LRRC8D: variants seen among roughly 807,000 people sequenced by gnomAD.
LRRC8D encodes the protein leucine rich repeat containing 8 VRAC subunit D.
A neutral mutation model predicts 55.8 loss-of-function variants in LRRC8D; 20 were observed. The observed-to-expected ratio is 0.36, with a 90% CI of 0.25 to 0.52. LRRC8D has a LOEUF of 0.52. LRRC8D is among the 20% of genes least tolerant of loss of function. The pLI, the probability that LRRC8D is intolerant of heterozygous loss-of-function variation, is 0.93. For missense variants in LRRC8D, 651 were observed against 1,030.8 expected, an observed-to-expected ratio of 0.63 and a Z score of 5.05; for synonymous variants, 352 against 377.0, an observed-to-expected ratio of 0.93 and a Z score of 0.77.
At chr1:89,839,305 T>TTG (rs762970926) in intron 1 of LRRC8D, among the ~76,000 whole-genome samples, 5 of 152,222 alleles carry the variant, frequency 3.3e-5, no homozygotes, top group Non-Finnish European at 7.4e-5. Context: ...TGTGGGTTCA[T>TTG]TGTGTGTGTT....
intron 2 of LRRC8D, among the ~76,000 whole-genome samples, chr1:89,845,133 C>T (rs1038482605): frequency 1.3e-5 from 2 of 152,086 alleles, no homozygotes; most frequent in African/African-American, 2.4e-5. Flanking sequence ...ACATTCATGA[C>T]GTGGGATGCT....
At chr1:89,875,641 T>C (rs1662127998) in intron 2 of LRRC8D, among the ~76,000 whole-genome samples, 1 of 152,210 alleles carries the variant, frequency 6.6e-6, no homozygotes, top group South Asian at 2.1e-4. Flanking sequence ...AGGTCTTCTT[T>C]ATTTCTATAT....
intron 1 of LRRC8D, among the ~76,000 whole-genome samples, chr1:89,830,147 T>A (rs531891663): frequency 6.6e-6 from 1 of 152,374 alleles, no homozygotes; most frequent in East Asian, 1.9e-4. Flanking sequence ...TTCGTGCCTT[T>A]ATTTTTTAAA....
chr1:89,934,981 C>T lies in LRRC8D; in HGVS notation c.1913C>T (p.Ala638Val), dbSNP rs1205266082. 1.2e-6 allele frequency: 2 copies of T among 1,614,122 alleles called. No individual in the cohort carries two copies. Among genetic ancestry groups the T allele is most frequent in the East Asian group, 2.2e-5 (1 of 44,882 alleles). The change falls in exon 3 of 3, where the codon GCT becomes GTT. Residue 638 changes from alanine to valine, a missense_variant. By Grantham distance (64) the Ala-to-Val change is moderately conservative. Around this residue, in one of 5 missense-constraint regions of LRRC8D, gnomAD observed 338 missense variants for 479.4 expected, o/e 0.71. Coordinates refer to ENST00000337338, the MANE Select transcript of LRRC8D (RefSeq NM_001134479.2). The surrounding 1 kb of genome is among the most constrained non-coding windows in gnomAD (Gnocchi z 5.9). ...AGCCTTAAGAAAATGATGAATGTCG[C>T]TGAGCTGGAACTCCAGAACTGTGAG... Reference protein sequence around the residue: ...LNSLKKMMNVAELELQNCELE... With the variant: ...LNSLKKMMNVVELELQNCELE...
At chr1:89,880,019 A>C (rs1216597677) in intron 2 of LRRC8D, among the ~76,000 whole-genome samples, 3 of 152,132 alleles carry the variant, frequency 2.0e-5, no homozygotes, top group African/African-American at 4.8e-5. Flanking sequence ...TGAAAGAGGC[A>C]AGGATAATAA....
chr1:89,926,323 G>A (rs1663563868), intron 2 of LRRC8D, among the ~76,000 whole-genome samples: 1 of 152,262 alleles, frequency 6.6e-6, no homozygotes, highest in Non-Finnish European at 1.5e-5. Flanking sequence ...AACCTAATAT[G>A]TTGTAATTGT....
At chr1:89,891,787 C>T (rs1479789871) in intron 2 of LRRC8D, among the ~76,000 whole-genome samples, 1 of 152,178 alleles carries the variant, frequency 6.6e-6, no homozygotes, top group African/African-American at 2.4e-5. Context: ...ACTTTTATAA[C>T]ACCTTCTTAA....
chr1:89,906,438 C>G (rs1662995876), intron 2 of LRRC8D, among the ~76,000 whole-genome samples: 1 of 152,222 alleles, frequency 6.6e-6, no homozygotes, highest in Non-Finnish European at 1.5e-5. Flanking sequence ...GTTTATAGTA[C>G]TTAACTGAAA....
intron 2 of LRRC8D, among the ~76,000 whole-genome samples, chr1:89,921,230 C>G (rs1401936049): frequency 2.0e-5 from 3 of 151,802 alleles, no homozygotes; most frequent in Non-Finnish European, 4.4e-5. Flanking sequence ...CTGGGCTACT[C>G]GGGAGGCTGA....
At chr1:89,906,268 A>G (rs1662988993) in intron 2 of LRRC8D, among the ~76,000 whole-genome samples, 1 of 152,134 alleles carries the variant, frequency 6.6e-6, no homozygotes, top group African/African-American at 2.4e-5. Flanking sequence ...TACTGTACAC[A>G]CTGTAGCCCA....
At chr1:89,826,114 C>T (rs2100693514) in intron 1 of LRRC8D, among the ~76,000 whole-genome samples, 1 of 152,224 alleles carries the variant, frequency 6.6e-6, no homozygotes, top group East Asian at 1.9e-4. Flanking sequence ...TTTGAAATTT[C>T]TTGAGGGGAA....
intron 2 of LRRC8D, among the ~76,000 whole-genome samples, chr1:89,917,273 A>G (rs143303810): frequency 1.6e-4 from 24 of 152,204 alleles, no homozygotes; most frequent in Middle Eastern, 3.4e-3. Context: ...CTACCTACAT[A>G]TATCCTTTGC....
chr1:89,860,799 TATATATATATACACACAC>T (rs1661698782), intron 2 of LRRC8D, among the ~76,000 whole-genome samples: 1 of 117,018 alleles, frequency 8.5e-6, no homozygotes, highest in Admixed American at 9.7e-5. Flanking sequence ...TATATATATA[TATATATATATACACACAC>T]AGACGCATTT....
At chr1:89,866,178 A>G (rs1457818805) in intron 2 of LRRC8D, among the ~76,000 whole-genome samples, 2 of 152,188 alleles carry the variant, frequency 1.3e-5, no homozygotes, top group Non-Finnish European at 2.9e-5. Flanking sequence ...ACTATAGTAC[A>G]TTCCTTCACT....
intron 2 of LRRC8D, among the ~76,000 whole-genome samples, chr1:89,900,992 G>A (rs13313026): frequency 0.014 from 2,142 of 152,286 alleles, 52 homozygotes; most frequent in African/African-American, 0.049. Flanking sequence ...CCTGCCATAC[G>A]TTATCAAGTG....
intron 2 of LRRC8D, among the ~76,000 whole-genome samples, chr1:89,849,236 C>G (rs1661352679): frequency 6.6e-6 from 1 of 152,142 alleles, no homozygotes; most frequent in African/African-American, 2.4e-5. Context: ...AATATGGAGA[C>G]AGTACAAATA....
At chr1:89,843,468 C>T in intron 1 of LRRC8D, 170 bp from the exon 2 acceptor site, 1 of 428,218 alleles carries the variant, frequency 2.3e-6, no homozygotes, top group Non-Finnish European at 4.2e-6. Flanking sequence ...ACCACGCGGG[C>T]AGCCGGTGCG....
intron 1 of LRRC8D, among the ~76,000 whole-genome samples, chr1:89,834,304 G>A (rs141902107): frequency 3.2e-3 from 489 of 152,282 alleles, no homozygotes; most frequent in African/African-American, 0.011. Flanking sequence ...CTAGTGGGGT[G>A]GGAAACGAAA....
At chr1:89,846,926 A>G (rs189894970) in intron 2 of LRRC8D, among the ~76,000 whole-genome samples, 1 of 152,282 alleles carries the variant, frequency 6.6e-6, no homozygotes, top group East Asian at 1.9e-4. Flanking sequence ...CAGAAAATTA[A>G]TTAATTAGTA....
Sources: gnomAD v4.1 joint callset for allele counts (sites outside exome capture counted in the v4.1 genomes callset) on GRCh38, gnomAD v4.1.1 for gene constraint, gnomAD v4.1.1 regional missense constraint, Gnocchi (gnomAD v3.1) non-coding constraint, MANE v1.5 for transcripts, NCBI Gene and HGNC (gene_info 2026-07-23, HGNC 2026-07-21) for gene names.